The following DNAH12 variants were observed in gnomAD, a reference collection of about 807,000 sequenced individuals.
DNAH12 encodes axonemal beta dynein heavy chain 12.
Under a neutral mutation model 371.5 loss-of-function variants are expected in DNAH12, and 285 were observed. The observed-to-expected ratio is 0.77, with a 90% CI of 0.70 to 0.85. The LOEUF (loss-of-function observed/expected upper bound fraction) is 0.85. Among genes scored for constraint, DNAH12 ranks in the 40% least tolerant of loss-of-function variants. The pLI, the probability that DNAH12 is intolerant of heterozygous loss-of-function variation, is 0.00. For synonymous variants in DNAH12, 1,200 were observed against 1,213.0 expected, an observed-to-expected ratio of 0.99 and a Z score of 0.22; for missense variants, 3,611 against 3,689.4, an observed-to-expected ratio of 0.98 and a Z score of 0.55.
rs145505762 is a variant in DNAH12 at position 57,410,443 on chromosome 3, C to G, written c.6021-1908G>C. On this transcript the variant is annotated intron_variant, in intron 39 of 73. Transcript: ENST00000495027. ...TATTGTGTGTGTTCTGACTGTTCCA[C>G]TGACTGGCTGTTCCCCATCTCTCTC... Among the ~76,000 whole-genome samples, 208 of 152,272 alleles carry G rather than the reference C, an allele frequency of 1.4e-3. 1 individual carries two copies. The highest frequency in any genetic ancestry group is 4.9e-3 in the African/African-American group (202 of 41,556).
At chr3:57,550,133 C>T in the DNAH12 span, among the ~76,000 whole-genome samples, 2 of 151,890 alleles carry the variant, frequency 1.3e-5, no homozygotes, top group African/African-American at 2.4e-5. Flanking sequence ...ACACAGCTAG[C>T]GAGACCCCAT....
chr3:57,361,470 A>ATATATATC lies in DNAH12; in HGVS notation c.9360+2123_9360+2124insGATATATA, dbSNP rs1246939028. 3.5e-5 allele frequency among the ~76,000 whole-genome samples: 5 copies of ATATATATC among 141,412 alleles called. No individual in the cohort carries two copies. In the South Asian group the frequency reaches 8.7e-4, roughly 25 times the overall value. The allele number at this position is 141,412 out of a possible 152,430, so 92.8% of individuals were successfully genotyped here. A position where few individuals can be genotyped will look rare whatever the true frequency, so the allele number is the denominator to read the frequency against. On this transcript the variant is annotated intron_variant, in intron 58 of 73. Transcript: ENST00000495027. Reference sequence around the variant, plus strand: ...TATATATATATATATATATATATATATCTCATTCAGCTCTGTTAGGTGAAT... The same window carrying ATATATATC: ...TATATATATATATATATATATATATATATATATCTCTCATTCAGCTCTGTTAGGTGAAT...
At chr3:57,402,221 G>A (rs2063893143) in intron 43 of DNAH12, among the ~76,000 whole-genome samples, 1 of 152,076 alleles carries the variant, frequency 6.6e-6, no homozygotes, top group Non-Finnish European at 1.5e-5. Flanking sequence ...AAGTAGCAAA[G>A]AAAAATCCAT....
rs371323606 is a variant in DNAH12, at chr3:57,457,842, C to T, written c.3215G>A (p.Arg1072Gln). 2.3e-5 allele frequency: 35 copies of T among 1,551,488 alleles called. No individual in the cohort carries two copies. Among genetic ancestry groups the T allele is most frequent in the East Asian group, 7.3e-5 (3 of 40,916 alleles). Reference sequence around the variant, plus strand: ...GGAAATGAGTGCAATCAGCTCCACTCGCTCGCCCTCAGAGCTATACATGGC... The same window carrying T: ...GGAAATGAGTGCAATCAGCTCCACTTGCTCGCCCTCAGAGCTATACATGGC... Reference protein sequence around the residue: ...IKAMYSSEGERVELIALISTS... With the variant: ...IKAMYSSEGEQVELIALISTS... Residue 1072 changes from arginine to glutamine, a missense_variant, in exon 22 of 74, where the codon CGA (arginine) becomes CAA (glutamine). By Grantham distance (43) the Arg-to-Gln change is conservative (BLOSUM62 1). Transcript: ENST00000495027.
chr3:57,349,337 C>T (rs1033549384), intron 60 of DNAH12, among the ~76,000 whole-genome samples: 12 of 152,190 alleles, frequency 7.9e-5, no homozygotes, highest in South Asian at 2.1e-4. Flanking sequence ...GGCGTGGATG[C>T]GGTGAAAAGG....
intron 57 of DNAH12, among the ~76,000 whole-genome samples, chr3:57,365,269 T>C (rs2153331721): frequency 6.6e-6 from 1 of 152,362 alleles, no homozygotes; most frequent in South Asian, 2.1e-4. Flanking sequence ...CATGGAATAC[T>C]ATGCAGCCAT....
At chr3:57,346,059 T>C (rs2062534409) in intron 60 of DNAH12, among the ~76,000 whole-genome samples, 1 of 152,138 alleles carries the variant, frequency 6.6e-6, no homozygotes, top group South Asian at 2.1e-4. Flanking sequence ...TGAATGTTCC[T>C]AGCACAAAGA....
intron 2 of DNAH12, among the ~76,000 whole-genome samples, chr3:57,541,198 C>T (rs2069268144): frequency 2.0e-5 from 3 of 151,796 alleles, no homozygotes; most frequent in Non-Finnish European, 2.9e-5. Context: ...TGCCACCACG[C>T]CAAGCTAATT....
Position 57,393,512 on chromosome 3 carries a change from G to A in DNAH12, c.7110+659C>T, listed in dbSNP as rs1203909412. 3.3e-5 allele frequency among the ~76,000 whole-genome samples: 5 copies of A among 151,242 alleles called. No individual in the cohort carries two copies. In the East Asian group the frequency reaches 9.8e-4, roughly 30 times the overall value. On this transcript the variant is annotated intron_variant, in intron 44 of 73. Coordinates refer to ENST00000495027, the MANE Select transcript of DNAH12 (RefSeq NM_001366028.2). The stretch of plus-strand genomic sequence containing the variant: ...CTGGTGGCAGGCGCCTGTGGTTCCA[G>A]CTACTTGGGAGGCTGAGGCAGGAGA...
intron 4 of DNAH12, among the ~76,000 whole-genome samples, chr3:57,514,762 A>G (rs1343682233): frequency 2.0e-5 from 3 of 152,196 alleles, no homozygotes; most frequent in Non-Finnish European, 1.5e-5. Context: ...ACCTACCTGA[A>G]TTTCAAGTTA....
At chr3:57,441,878 C>CA (rs201699244) in intron 29 of DNAH12, among the ~76,000 whole-genome samples, 1,965 of 151,898 alleles carry the variant, frequency 0.013, 28 homozygotes, top group Non-Finnish European at 0.015. Context: ...CAATAAAGTA[C>CA]AAAACAAAAC....
At chr3:57,423,648 A>C (rs2064665262) in intron 35 of DNAH12, among the ~76,000 whole-genome samples, 1 of 152,146 alleles carries the variant, frequency 6.6e-6, no homozygotes, top group Admixed American at 6.5e-5. Flanking sequence ...AAACCAGCAT[A>C]GACCAGGAAA....
chr3:57,327,024 T>A (rs1433404603), intron 62 of DNAH12, among the ~76,000 whole-genome samples: 1 of 152,014 alleles, frequency 6.6e-6, no homozygotes, highest in South Asian at 2.1e-4. Context: ...CCTAAATATA[T>A]ATGCACCCAA....
rs951378064 is a variant in DNAH12, at chr3:57,475,788, C to T, written c.1651-3117G>A. Among the ~76,000 whole-genome samples, 4 of 152,216 alleles carry T rather than the reference C, an allele frequency of 2.6e-5. No homozygotes were observed. The South Asian group carries it at 6.2e-4, about 24-fold the overall frequency. ...CAAAATTTAATCCATCTCACAATTG[C>T]AAGTAAGAATGTTAAAATAATAGAC... On this transcript the variant is annotated intron_variant, in intron 13 of 73. Coordinates refer to ENST00000495027, the MANE Select transcript of DNAH12 (RefSeq NM_001366028.2).
chr3:57,554,887 G>T, the DNAH12 span, among the ~76,000 whole-genome samples: 1 of 152,138 alleles, frequency 6.6e-6, no homozygotes, highest in African/African-American at 2.4e-5. Flanking sequence ...AAAGTGCTGG[G>T]ATTACAGACG....
chr3:57,308,590 C>T (rs1258623857), intron 69 of DNAH12, among the ~76,000 whole-genome samples: 2 of 152,158 alleles, frequency 1.3e-5, no homozygotes, highest in African/African-American at 4.8e-5. Flanking sequence ...TAGTCATACT[C>T]CTATTCACCA....
chr3:57,422,495 C>T (rs1271150587), intron 35 of DNAH12, among the ~76,000 whole-genome samples: 1 of 152,070 alleles, frequency 6.6e-6, no homozygotes, highest in African/African-American at 2.4e-5. Context: ...CGCCCGGCCT[C>T]TAACAAAATT....
intron 39 of DNAH12, among the ~76,000 whole-genome samples, 187 bp downstream of exon 39, chr3:57,413,559 A>G (rs1297687580): frequency 6.6e-6 from 1 of 152,088 alleles, no homozygotes; most frequent in African/African-American, 2.4e-5. Context: ...TATACAGGAA[A>G]TCTCTGTACC....
At position 57,462,827 on chromosome 3, in the gene DNAH12, G is replaced by A. The variant is rs1206974829; in HGVS notation, c.2398C>T (p.Arg800Cys). 7 of 1,551,246 alleles carry A rather than the reference G, an allele frequency of 4.5e-6. No homozygotes were observed. Among genetic ancestry groups the A allele is most frequent in the Middle Eastern group, 1.7e-4 (1 of 6,012 alleles). ...ATTTCTGATATCTGTTTCCAGTGAC[G>A]AGCTCTCATTCCTGGATTGCACAGA... is the stretch of plus-strand genomic sequence containing the variant. ...SILCNPGMRA[R>C]HWKQISEIVG... Residue 800 changes from arginine to cysteine, a missense_variant, in exon 18 of 74, where the codon CGT (arginine) becomes TGT (cysteine). Physicochemically the swap from Arg to Cys is radical, Grantham distance 180. Coordinates refer to ENST00000495027, the MANE Select transcript of DNAH12 (RefSeq NM_001366028.2).
Sources: allele counts gnomAD v4.1 joint callset (sites outside exome capture counted in the v4.1 genomes callset), GRCh38; gene constraint gnomAD v4.1.1; transcripts MANE v1.5; gene names NCBI Gene and HGNC (gene_info 2026-07-23, HGNC 2026-07-21).